The following SEPTIN7 variants were observed in gnomAD, a reference collection of about 807,000 sequenced individuals.
SEPTIN7 encodes septin-7.
Under a neutral mutation model 63.3 loss-of-function variants are expected in SEPTIN7, and 10 were observed. The observed-to-expected ratio is 0.16, with a 90% CI of 0.10 to 0.27. The LOEUF is 0.27. SEPTIN7 is among the 10% of genes least tolerant of loss of function. SEPTIN7 has a pLI of 1.00. For synonymous variants in SEPTIN7, 131 were observed against 165.3 expected (o/e 0.79, Z 1.59); for missense variants, 310 against 521.0 (o/e 0.59, Z 3.94).
intron 11 of SEPTIN7, among the ~76,000 whole-genome samples, chr7:35,897,311 A>C (rs1644253128): frequency 1.3e-5 from 2 of 152,204 alleles, no homozygotes; most frequent in South Asian, 4.1e-4. Flanking sequence ...AATAATTTTC[A>C]GAGATTCTCA....
chr7:35,912,659 G>A, the SEPTIN7 span, among the ~76,000 whole-genome samples: 203 of 152,298 alleles, frequency 1.3e-3, 1 homozygote, highest in East Asian at 0.036. Flanking sequence ...AGGTACAGCG[G>A]ACCTTCCTGG....
intron 3 of SEPTIN7, among the ~76,000 whole-genome samples, chr7:35,857,929 A>C (rs1011466953): frequency 1.6e-4 from 25 of 152,128 alleles, no homozygotes; most frequent in African/African-American, 5.5e-4. Context: ...TTAACTAGGA[A>C]AACCATGAAC....
At chr7:35,890,436 C>A (rs747563953) in intron 10 of SEPTIN7, 1 of 259,110 alleles carries the variant, frequency 3.9e-6, no homozygotes, top group Non-Finnish European at 7.2e-6. Context: ...ATTTATAGGT[C>A]TTAAAATGTC....
intron 4 of SEPTIN7, among the ~76,000 whole-genome samples, chr7:35,866,572 A>G (rs1277588080): frequency 1.3e-5 from 2 of 152,206 alleles, no homozygotes; most frequent in African/African-American, 4.8e-5. Flanking sequence ...CCTGGGCATT[A>G]TCTATTTATA....
chr7:35,840,527 C>G (rs1054482981), intron 3 of SEPTIN7, among the ~76,000 whole-genome samples: 13 of 151,928 alleles, frequency 8.6e-5, no homozygotes, highest in Non-Finnish European at 1.9e-4. Flanking sequence ...GTCCTCTCTC[C>G]TTGGCTTCCT....
Position 35,906,348 on chromosome 7 carries a change from A to G in SEPTIN7, c.*2055A>G, listed in dbSNP as rs1180827680. 2.0e-5 allele frequency: 3 copies of G among 152,088 alleles called. No homozygotes were observed. The highest frequency in any genetic ancestry group is 2.4e-5 in the African/African-American group (1 of 41,384). 9.4% of individuals were successfully genotyped at this position (152,088 alleles called of 1,614,324 possible). On this transcript the variant is annotated 3_prime_UTR_variant, in exon 14 of 14. Coordinates refer to ENST00000350320, the MANE Select transcript of SEPTIN7 (RefSeq NM_001788.6). ...CTATATAACTTTACTAGGACTTTTG[A>G]TTGTTGACTCCAGGCTTAGGTATAT...
At chr7:35,802,710 C>T (rs1350182924) in intron 1 of SEPTIN7, among the ~76,000 whole-genome samples, 2 of 151,784 alleles carry the variant, frequency 1.3e-5, no homozygotes, top group Non-Finnish European at 1.5e-5. Context: ...TCCTGATAGA[C>T]TGAAGGGGGG....
chr7:35,832,986 C>G, intron 3 of SEPTIN7, 86 bp downstream of exon 3: 1 of 784,370 alleles, frequency 1.3e-6, no homozygotes. Context: ...AAAACACTGG[C>G]ACAGATATCT....
chr7:35,815,454 G>A (rs989462468), intron 1 of SEPTIN7, among the ~76,000 whole-genome samples: 1 of 152,170 alleles, frequency 6.6e-6, no homozygotes, highest in Non-Finnish European at 1.5e-5. Flanking sequence ...TATTAATGCA[G>A]AGTTCAATCT....
In SEPTIN7 at chr7:35,906,680, G is replaced by A. The variant is rs144635383; in HGVS notation, c.*2387G>A. The A allele has an allele frequency of 4.5e-4, 69 of 152,360 alleles. No individual in the cohort carries two copies. The highest frequency in any genetic ancestry group is 1.6e-3 in the African/African-American group (65 of 41,576). 9.4% of individuals were successfully genotyped at this position (152,360 alleles called of 1,614,324 possible). Reference sequence around the variant, plus strand: ...GCTTCCATATCAGGTTCACAAGCAAGTTAAGTGGGCACAGTTTATTTCTGT... The same window carrying A: ...GCTTCCATATCAGGTTCACAAGCAAATTAAGTGGGCACAGTTTATTTCTGT... On this transcript the variant is annotated 3_prime_UTR_variant, in exon 14 of 14. Transcript: ENST00000350320.
chr7:35,812,768 A>C (rs917361379), intron 1 of SEPTIN7, among the ~76,000 whole-genome samples: 3 of 152,200 alleles, frequency 2.0e-5, no homozygotes, highest in Admixed American at 6.5e-5. Context: ...AAATCTTTTA[A>C]GATTACTATA....
chr7:35,817,887 G>A (rs528965399), intron 1 of SEPTIN7, among the ~76,000 whole-genome samples: 13 of 150,854 alleles, frequency 8.6e-5, no homozygotes, highest in African/African-American at 2.9e-4. Flanking sequence ...AGTTCCTGTA[G>A]TGTTTTTTTT....
intron 3 of SEPTIN7, 95 bp downstream of exon 3, chr7:35,832,995 C>G: frequency 1.4e-6 from 1 of 725,690 alleles, no homozygotes. Context: ...GCACAGATAT[C>G]TACAGTGATC....
At chr7:35,901,137 C>G (rs1189176899) in intron 12 of SEPTIN7, 2 of 152,268 alleles carry the variant, frequency 1.3e-5, no homozygotes, top group Non-Finnish European at 2.9e-5. Flanking sequence ...CAGCACAGTA[C>G]ATCAGCCACA....
At chr7:35,830,369 G>T (rs1583522885) in intron 1 of SEPTIN7, among the ~76,000 whole-genome samples, 1 of 152,142 alleles carries the variant, frequency 6.6e-6, no homozygotes, top group Non-Finnish European at 1.5e-5. Flanking sequence ...GCTAGGCTTT[G>T]TTGGCTAGTG....
intron 11 of SEPTIN7, among the ~76,000 whole-genome samples, chr7:35,895,959 T>A (rs1787936766): frequency 1.3e-5 from 2 of 152,148 alleles, no homozygotes; most frequent in South Asian, 4.1e-4. Flanking sequence ...TACAGGCGTG[T>A]GCCACCACGC....
At position 35,904,452 on chromosome 7, in the gene SEPTIN7, T is replaced by C; in HGVS notation, c.*159T>C. On this transcript the variant is annotated 3_prime_UTR_variant, in exon 14 of 14. Coordinates refer to ENST00000350320, the MANE Select transcript of SEPTIN7 (RefSeq NM_001788.6). ...TTTTTTTTTTTGTTCTTGATGGAGATTAAGATGCCTTGAATTGTCTAGGGT... is the reference window on the plus strand; with the variant it reads ...TTTTTTTTTTTGTTCTTGATGGAGACTAAGATGCCTTGAATTGTCTAGGGT... 1 of 519,794 alleles carries C rather than the reference T, an allele frequency of 1.9e-6. No homozygotes were observed. The allele number at this position is 519,794 out of a possible 1,614,324, so 32.2% of individuals were successfully genotyped here.
At chr7:35,856,912 T>A (rs1458454313) in intron 3 of SEPTIN7, among the ~76,000 whole-genome samples, 1 of 152,170 alleles carries the variant, frequency 6.6e-6, no homozygotes, top group East Asian at 1.9e-4. Flanking sequence ...TAGGAAAAAA[T>A]AATTAAGGTC....
intron 3 of SEPTIN7, among the ~76,000 whole-genome samples, chr7:35,837,491 T>C (rs1458363105): frequency 6.6e-6 from 1 of 152,054 alleles, no homozygotes; most frequent in Non-Finnish European, 1.5e-5. Context: ...TGCTTCAATT[T>C]TTATTTATTT....
Sources: allele counts gnomAD v4.1 joint callset (sites outside exome capture counted in the v4.1 genomes callset), GRCh38; gene constraint gnomAD v4.1.1; transcripts MANE v1.5; gene names NCBI Gene and HGNC (gene_info 2026-07-23, HGNC 2026-07-21).